Variants in FHL2 observed in about 807,000 individuals in gnomAD.
FHL2 encodes the protein four and a half LIM domains 2.
FHL2 carries 20 observed loss-of-function variants against 32.7 expected under a neutral mutation model. The ratio of observed to expected loss-of-function variants is 0.61; its 90% CI spans 0.43 to 0.89. The LOEUF (loss-of-function observed/expected upper bound fraction) is 0.89. Among genes scored for constraint, FHL2 ranks in the 40% least tolerant of loss-of-function variants. The pLI is 0.00. For synonymous variants in FHL2, 123 were observed against 128.1 expected (o/e 0.96, Z 0.27); for missense variants, 311 against 358.6 (o/e 0.87, Z 1.07).
intron 1 of FHL2, among the ~76,000 whole-genome samples, chr2:105,398,256 A>G (rs969959341): frequency 3.3e-5 from 5 of 152,240 alleles, no homozygotes; most frequent in African/African-American, 4.8e-5. Flanking sequence ...TATTTCTGGT[A>G]TGCTAAGATA....
chr2:105,419,690 C>A (rs1020198189), intron 1 of FHL2, among the ~76,000 whole-genome samples: 4 of 152,134 alleles, frequency 2.6e-5, no homozygotes, highest in African/African-American at 7.2e-5. Context: ...AATTTATCAC[C>A]CTTTGTTAAA....
chr2:105,420,440 C>A (rs1471236758), intron 1 of FHL2, among the ~76,000 whole-genome samples: 3 of 152,136 alleles, frequency 2.0e-5, no homozygotes, highest in Non-Finnish European at 4.4e-5. Flanking sequence ...GTAACAACCC[C>A]ATTTCCGAAT....
chr2:105,425,998 T>C (rs189985947), intron 1 of FHL2, among the ~76,000 whole-genome samples: 24 of 152,252 alleles, frequency 1.6e-4, no homozygotes, highest in African/African-American at 5.5e-4. Context: ...CTTTTCTCAG[T>C]CTCTCGTCCC....
chr2:105,376,698 G>A (rs985137917), intron 3 of FHL2: 10 of 152,222 alleles, frequency 6.6e-5, no homozygotes, highest in Non-Finnish European at 1.0e-4. Flanking sequence ...AGGTCTCGAA[G>A]ATATATTTGT....
chr2:105,386,298 C>T, intron 3 of FHL2, 63 bp downstream of exon 3: 3 of 1,577,554 alleles, frequency 1.9e-6, no homozygotes. Context: ...TCAGCACAAA[C>T]CACAGAGAAA....
intron 1 of FHL2, among the ~76,000 whole-genome samples, chr2:105,421,991 C>T (rs989333): frequency 0.58 from 88,812 of 152,132 alleles, 27,209 homozygotes; most frequent in African/African-American, 0.78. Flanking sequence ...TTTGCCCCTC[C>T]TGGGGTCCTG....
At chr2:105,374,725 C>T (rs1681342336) in intron 3 of FHL2, among the ~76,000 whole-genome samples, 2 of 152,190 alleles carry the variant, frequency 1.3e-5, no homozygotes, top group African/African-American at 4.8e-5. Context: ...TTAAAAATGA[C>T]ATACGGCATT....
intron 1 of FHL2, among the ~76,000 whole-genome samples, chr2:105,420,478 G>T (rs191916499): frequency 1.4e-4 from 21 of 152,228 alleles, no homozygotes; most frequent in Admixed American, 1.3e-3. Flanking sequence ...AGGAGTTACG[G>T]CTTCAGCATA....
chr2:105,436,757 CTT>C (rs1457053779), intron 1 of FHL2, among the ~76,000 whole-genome samples: 1 of 151,980 alleles, frequency 6.6e-6, no homozygotes, highest in Non-Finnish European at 1.5e-5. Flanking sequence ...AAATAGTTAT[CTT>C]TGAGTAGTAA....
chr2:105,411,676 C>T (rs1405990764), intron 1 of FHL2, among the ~76,000 whole-genome samples: 1 of 150,582 alleles, frequency 6.6e-6, no homozygotes, highest in Non-Finnish European at 1.5e-5. Flanking sequence ...CCTGTCTCTA[C>T]TCAAAATACA....
upstream of FHL2, among the ~76,000 whole-genome samples, chr2:105,402,934 G>A (rs1394745944): frequency 6.6e-6 from 1 of 152,222 alleles, no homozygotes; most frequent in Non-Finnish European, 1.5e-5. Flanking sequence ...TGCTGTCTAT[G>A]GCAGCATAGC....
At chr2:105,402,082 T>C (rs949366246), upstream of FHL2, among the ~76,000 whole-genome samples, 5 of 149,148 alleles carry the variant, frequency 3.4e-5, no homozygotes, top group African/African-American at 7.4e-5. Context: ...CATGTATATA[T>C]GTGTATATAT....
intron 3 of FHL2, chr2:105,378,112 G>A (rs377410372): frequency 4.4e-6 from 2 of 459,566 alleles, no homozygotes; most frequent in African/African-American, 2.0e-5. Flanking sequence ...GAGCACATCA[G>A]CATGCCTGCA....
In FHL2 at chr2:105,387,946, T is replaced by C. The variant is rs1439670227; in HGVS notation, c.-24-1406A>G. On this transcript the variant is annotated intron_variant, in intron 2 of 6. Coordinates refer to ENST00000530340, the MANE Select transcript of FHL2 (RefSeq NM_001318895.3). ...AGCCACAAAAAAGAATGAGATCATG[T>C]CTTTTGCAGGAACACGGATGGAGCT... Among the ~76,000 whole-genome samples, 3 of 152,210 alleles carry C rather than the reference T, an allele frequency of 2.0e-5. No individual in the cohort carries two copies. The East Asian group carries it at 5.8e-4, about 29-fold the overall frequency.
rs1279961465 is a variant in FHL2, at chr2:105,425,014, G to A, written c.-25+13385C>T. 4.6e-5 allele frequency among the ~76,000 whole-genome samples: 7 copies of A among 152,108 alleles called. No homozygotes were observed. In the East Asian group the frequency reaches 1.4e-3, roughly 29 times the overall value. ...CCGTACATGTACCCCAGAACTTAAAGTATATATATATTGTAGGGAAAAGAA... is the reference window on the plus strand; with the variant it reads ...CCGTACATGTACCCCAGAACTTAAAATATATATATATTGTAGGGAAAAGAA... On this transcript the variant is annotated intron_variant, in intron 1 of 5. Transcript: ENST00000393352.
intron 3 of FHL2, among the ~76,000 whole-genome samples, chr2:105,384,964 C>T (rs1048850304): frequency 2.0e-5 from 3 of 152,194 alleles, no homozygotes; most frequent in Admixed American, 6.5e-5. Context: ...TGAAAAGGGA[C>T]AGAGAAAAGT....
chr2:105,366,217 G>GA lies in FHL2; in HGVS notation c.501+1352dup, dbSNP rs1019121245. 4.4e-3 allele frequency among the ~76,000 whole-genome samples: 612 copies of GA among 140,632 alleles called. 1 individual carries two copies. The highest frequency in any genetic ancestry group is 6.3e-3 in the Admixed American group (89 of 14,086). 92.3% of individuals were successfully genotyped at this position (140,632 alleles called of 152,430 possible). A position where few individuals can be genotyped will look rare whatever the true frequency, so the allele number is the denominator to read the frequency against. On this transcript the variant is annotated intron_variant, in intron 5 of 6. Transcript: ENST00000530340. ...AGTGTGAGATTCTGTCTCAAAAAAA[G>GA]AAAAAAAAAAAGGAAATGAGAGAAA...
rs188905212 is a variant in FHL2, at chr2:105,394,123, T to C, written c.-25+2524A>G. On this transcript the variant is annotated intron_variant, in intron 2 of 6. Transcript: ENST00000530340. ...TGTGCTCAGAGAATACCCCGCACCA[T>C]TTTATTTTCCTACGGATGGGAGTAT... Among the ~76,000 whole-genome samples the C allele has an allele frequency of 7.9e-4, 120 of 152,300 alleles. 1 individual carries two copies. The highest frequency in any genetic ancestry group is 2.7e-3 in the African/African-American group (114 of 41,568).
upstream of FHL2, among the ~76,000 whole-genome samples, chr2:105,400,882 G>A (rs1360915357): frequency 2.6e-5 from 4 of 151,720 alleles, no homozygotes; most frequent in Non-Finnish European, 2.9e-5. Flanking sequence ...GACCTAATGG[G>A]TAGCAGAACA....
Sources: gnomAD v4.1 joint callset for allele counts (sites outside exome capture counted in the v4.1 genomes callset) on GRCh38, gnomAD v4.1.1 for gene constraint, MANE v1.5 for transcripts, NCBI Gene and HGNC (gene_info 2026-07-23, HGNC 2026-07-21) for gene names.